BSN: variants seen among roughly 807,000 people sequenced by gnomAD.
BSN encodes protein bassoon.
BSN carries 57 observed loss-of-function variants against 264.8 expected under a neutral mutation model. The ratio of observed to expected loss-of-function variants is 0.22; its 90% CI spans 0.17 to 0.27. The LOEUF is 0.27. BSN is among the 10% of genes least tolerant of loss of function. BSN has a pLI of 1.00. For missense variants in BSN, 4,615 were observed against 5,232.5 expected, an observed-to-expected ratio of 0.88 and a Z score of 3.64; for synonymous variants, 2,059 against 2,137.3, an observed-to-expected ratio of 0.96 and a Z score of 1.01.
intron 1 of BSN, among the ~76,000 whole-genome samples, chr3:49,608,302 C>T (rs2052175373): frequency 6.6e-6 from 1 of 152,098 alleles, no homozygotes; most frequent in African/African-American, 2.4e-5. Context: ...GAAAACAGAC[C>T]ACCATCTATG....
At chr3:49,555,115 A>C (rs2051655127) in intron 1 of BSN, among the ~76,000 whole-genome samples, 1 of 152,196 alleles carries the variant, frequency 6.6e-6, no homozygotes, top group South Asian at 2.1e-4. Context: ...CTGACTGCTC[A>C]GGAGGGGCTT....
Position 49,664,689 on chromosome 3 carries a change from G to A in BSN, c.11741-110G>A, listed in dbSNP as rs2052698557. 1.2e-5 allele frequency: 18 copies of A among 1,553,874 alleles called. No individual in the cohort carries two copies. In the Admixed American group the frequency reaches 1.9e-4, roughly 17 times the overall value. ...ACCTGCTGATGCCCAGTTGTTCTCCGGGCAATCTCTGCCCCTTGGGCTGAG... is the reference window on the plus strand; with the variant it reads ...ACCTGCTGATGCCCAGTTGTTCTCCAGGCAATCTCTGCCCCTTGGGCTGAG... On this transcript the variant is annotated intron_variant, in intron 9 of 11. Transcript: ENST00000296452.
intron 1 of BSN, among the ~76,000 whole-genome samples, chr3:49,616,232 A>T (rs1429927146): frequency 6.6e-6 from 1 of 152,176 alleles, no homozygotes; most frequent in Admixed American, 6.5e-5. Flanking sequence ...CTAGATTCTC[A>T]TATCCATTCC....
At position 49,563,597 on chromosome 3, in the gene BSN, A is replaced by G. The variant is rs573633186; in HGVS notation, c.224+8771A>G. On this transcript the variant is annotated intron_variant, in intron 1 of 11. Coordinates refer to ENST00000296452, the MANE Select transcript of BSN (RefSeq NM_003458.4). ...ATGTGGTTCTCTCTGCAGCTTCTGCAGCTGTGTGGGTTCTGTGGGCTCAGG... is the reference window on the plus strand; with the variant it reads ...ATGTGGTTCTCTCTGCAGCTTCTGCGGCTGTGTGGGTTCTGTGGGCTCAGG... Among the ~76,000 whole-genome samples the G allele has an allele frequency of 5.3e-5, 8 of 152,346 alleles. No individual in the cohort carries two copies. The South Asian group carries it at 1.7e-3, about 32-fold the overall frequency.
intron 1 of BSN, among the ~76,000 whole-genome samples, chr3:49,601,354 T>G (rs2052072252): frequency 6.6e-6 from 1 of 151,974 alleles, no homozygotes; most frequent in South Asian, 2.1e-4. Context: ...TGTGCAGGAG[T>G]TAAGGAGGTT....
Position 49,585,969 on chromosome 3 carries a change from T to A in BSN, c.224+31143T>A, listed in dbSNP as rs1286416123. ...GATTATTAGATTTTTTTCTATATAG[T>A]TGTTTGAGCTCCTTATATATTTTGG... is the stretch of plus-strand genomic sequence containing the variant. On this transcript the variant is annotated intron_variant, in intron 1 of 11. Coordinates refer to ENST00000296452, the MANE Select transcript of BSN (RefSeq NM_003458.4). This position sits in a 1 kb window ranked among gnomAD's most constrained non-coding sequence, Gnocchi z 4.7. Among the ~76,000 whole-genome samples, 2 of 152,190 alleles carry A rather than the reference T, an allele frequency of 1.3e-5. No homozygotes were observed. The highest frequency in any genetic ancestry group is 4.8e-5 in the African/African-American group (2 of 41,446).
intron 1 of BSN, among the ~76,000 whole-genome samples, chr3:49,613,314 G>GAGAGAGAGAGAGAA: frequency 7.2e-6 from 1 of 139,152 alleles, no homozygotes; most frequent in African/African-American, 2.7e-5. Flanking sequence ...GAGAGAGAGA[G>GAGAGAGAGAGAGAA]AGAGAGAGAG....
intron 1 of BSN, among the ~76,000 whole-genome samples, chr3:49,619,265 C>G (rs2052284628): frequency 6.6e-6 from 1 of 152,230 alleles, no homozygotes; most frequent in South Asian, 2.1e-4. Flanking sequence ...CATGTGCTTA[C>G]TGAGTGTCCA....
rs2051645875 is a variant in BSN, at chr3:49,554,513, G to GCAGCGGCGGCGC, written c.-88_-77dup. On this transcript the variant is annotated 5_prime_UTR_variant, in exon 1 of 12. Transcript: ENST00000296452. ...CGAGCCGAGCTGGGAGATGGCGGCGGCAGCGGCGGCGCCGAGAGTGTGAGC... is the reference window on the plus strand; with the variant it reads ...CGAGCCGAGCTGGGAGATGGCGGCGGCAGCGGCGGCGCCAGCGGCGGCGCCGAGAGTGTGAGC... 1 of 361,504 alleles carries GCAGCGGCGGCGC rather than the reference G, an allele frequency of 2.8e-6. No homozygotes were observed. Among genetic ancestry groups the GCAGCGGCGGCGC allele is most frequent in the Non-Finnish European group, 3.8e-6 (1 of 260,158 alleles). The allele number at this position is 361,504 out of a possible 1,614,324, so 22.4% of individuals were successfully genotyped here. A position where few individuals can be genotyped will look rare whatever the true frequency, so the allele number is the denominator to read the frequency against.
Position 49,655,517 on chromosome 3 carries a change from C to T in BSN, c.5961C>T (p.Thr1987=). The change falls in exon 5 of 12, where the codon ACC becomes ACT. Residue 1987 remains threonine (T), a synonymous_variant. Coordinates refer to ENST00000296452, the MANE Select transcript of BSN (RefSeq NM_003458.4). ...GGCTGTACTCCTCCATGTCTGACACCAATTTGGCTGAGGCTGGCCTCAACT... is the reference window on the plus strand; with the variant it reads ...GGCTGTACTCCTCCATGTCTGACACTAATTTGGCTGAGGCTGGCCTCAACT... The part of the protein sequence containing the change: ...PGRLYSSMSD[T]NLAEAGLNYH... 1.2e-6 allele frequency: 2 copies of T among 1,609,462 alleles called. No homozygotes were observed. Among genetic ancestry groups the T allele is most frequent in the Non-Finnish European group, 8.5e-7 (1 of 1,177,512 alleles).
chr3:49,620,463 A>C (rs2052296315), intron 1 of BSN, among the ~76,000 whole-genome samples: 1 of 152,094 alleles, frequency 6.6e-6, no homozygotes, highest in Admixed American at 6.5e-5. Flanking sequence ...AAAGAAAAAA[A>C]AAACAAAGAA....
rs781773963 is a variant in BSN at position 49,664,466 on chromosome 3, C to G, written c.11652C>G (p.Pro3884=). ...GGCCTGGAGGAACCCCAGGGGCTCC[C>G]GCCGGCCAGCCAGGTGCCGATGGGG... The part of the protein sequence containing the change: ...GARPGGTPGA[P]AGQPGADGES... Residue 3884 remains proline, a synonymous_variant, in exon 9 of 12, where the codon CCC becomes CCG. Coordinates refer to ENST00000296452, the MANE Select transcript of BSN (RefSeq NM_003458.4). The G allele has an allele frequency of 6.2e-7, 1 of 1,613,640 alleles. No individual in the cohort carries two copies. The highest frequency in any genetic ancestry group is 2.2e-5 in the East Asian group (1 of 44,874).
intron 1 of BSN, 111 bp downstream of exon 1, chr3:49,554,937 A>G (rs1055997496): frequency 3.3e-6 from 2 of 601,130 alleles, no homozygotes; most frequent in Non-Finnish European, 4.6e-6. Flanking sequence ...GTCCGGCCGC[A>G]CTCTGAACCC....
intron 11 of BSN, among the ~76,000 whole-genome samples, chr3:49,667,308 C>CAA (rs34434564): frequency 2.5e-5 from 3 of 118,088 alleles, no homozygotes; most frequent in African/African-American, 6.6e-5. Flanking sequence ...ACTCTTAAGC[C>CAA]AAAAAAAAAA....
intron 2 of BSN, among the ~76,000 whole-genome samples, chr3:49,630,225 A>G (rs1396106264): frequency 6.6e-6 from 1 of 152,246 alleles, no homozygotes; most frequent in Non-Finnish European, 1.5e-5. Flanking sequence ...ACATGGGACC[A>G]GCAGTGTACT....
chr3:49,645,646 A>G (rs1477010018), intron 3 of BSN, among the ~76,000 whole-genome samples: 1 of 152,162 alleles, frequency 6.6e-6, no homozygotes, highest in Non-Finnish European at 1.5e-5. Flanking sequence ...TCCCTTCAGC[A>G]TTGCTTTTCT....
chr3:49,657,700 G>A lies in BSN; in HGVS notation c.8144G>A (p.Ser2715Asn), dbSNP rs764215515. Residue 2715 changes from serine (S) to asparagine (N), a missense_variant, in exon 5 of 12, where the codon AGC becomes AAC. By Grantham distance (46) the Ser-to-Asn change is conservative (BLOSUM62 1). Coordinates refer to ENST00000296452, the MANE Select transcript of BSN (RefSeq NM_003458.4). ...CCAGAGAAGACTGGGCGTGGGGAGA[G>A]CCTGGCCTGCCAGACGGAGCCAGAT... Reference protein sequence around the residue: ...SAPEKTGRGESLACQTEPDGQ... With the variant: ...SAPEKTGRGENLACQTEPDGQ... 5 of 1,554,052 alleles carry A rather than the reference G, an allele frequency of 3.2e-6. No homozygotes were observed. The highest frequency in any genetic ancestry group is 4.4e-6 in the Non-Finnish European group (5 of 1,146,840).
chr3:49,618,909 AT>A lies in BSN; in HGVS notation c.225-6065del, dbSNP rs781476240. Among the ~76,000 whole-genome samples, 4 of 152,372 alleles carry A rather than the reference AT, an allele frequency of 2.6e-5. 1 individual carries two copies. Among genetic ancestry groups the A allele is most frequent in the Admixed American group, 1.3e-4 (2 of 15,308 alleles). ...CCTATATGAATCATTTTTTAAAAAA[AT>A]ATTTTAATTAAATATTAAATGACTT... On this transcript the variant is annotated intron_variant, in intron 1 of 11. Transcript: ENST00000296452.
At chr3:49,617,662 G>A (rs1189115659) in intron 1 of BSN, among the ~76,000 whole-genome samples, 1 of 152,150 alleles carries the variant, frequency 6.6e-6, no homozygotes, top group Non-Finnish European at 1.5e-5. Context: ...GGAGACCTTT[G>A]TTTGTGTCTC....
Sources: gnomAD v4.1 joint callset for allele counts (sites outside exome capture counted in the v4.1 genomes callset) on GRCh38, gnomAD v4.1.1 for gene constraint, Gnocchi (gnomAD v3.1) non-coding constraint, MANE v1.5 for transcripts, NCBI Gene and HGNC (gene_info 2026-07-23, HGNC 2026-07-21) for gene names.